Variants in AXL observed in about 807,000 individuals in gnomAD.
The protein encoded by AXL is AXL receptor tyrosine kinase.
Under a neutral mutation model 104.5 loss-of-function variants are expected in AXL, and 52 were observed. The ratio of observed to expected loss-of-function variants is 0.50; its 90% CI spans 0.40 to 0.63. AXL has a LOEUF of 0.63. Ranked by LOEUF, AXL falls within the 20% of genes least tolerant of loss-of-function variation. The pLI, the probability that AXL is intolerant of heterozygous loss-of-function variation, is 0.00. For synonymous variants in AXL, 455 were observed against 473.7 expected, an observed-to-expected ratio of 0.96 and a Z score of 0.51; for missense variants, 1,024 against 1,188.5, an observed-to-expected ratio of 0.86 and a Z score of 2.04.
chr19:41,240,522 C>G (rs1183552363), intron 10 of AXL, among the ~76,000 whole-genome samples: 1 of 152,042 alleles, frequency 6.6e-6, no homozygotes, highest in African/African-American at 2.4e-5. Flanking sequence ...CCATCCCTCT[C>G]AAATATTTCT....
Position 41,238,054 on chromosome 19 carries a change from C to G in AXL, c.894C>G (p.Ser298Arg), listed in dbSNP as rs748208134. The change falls in exon 7 of 20, where the codon AGC becomes AGG. Residue 298 changes from serine to arginine, a missense_variant. Ser to Arg is a moderately radical substitution (Grantham distance 110). Transcript: ENST00000301178. ...CCCCCCATCAGCTTCGGCTAGGCAG[C>G]CTCCATCCTCACACCCCTTATCACA... ...SVPPHQLRLGSLHPHTPYHIR... is the reference protein window; with the variant it reads ...SVPPHQLRLGRLHPHTPYHIR... 8 of 1,614,006 alleles carry G rather than the reference C, an allele frequency of 5.0e-6. No individual in the cohort carries two copies. The highest frequency in any genetic ancestry group is 2.2e-5 in the South Asian group (2 of 91,070).
At chr19:41,259,006 T>C (rs2034495319) in intron 19 of AXL, among the ~76,000 whole-genome samples, 1 of 152,164 alleles carries the variant, frequency 6.6e-6, no homozygotes, top group African/African-American at 2.4e-5. Flanking sequence ...TGGACCCCTT[T>C]GTGGCACTGC....
At chr19:41,223,393 C>T (rs946520397) in intron 4 of AXL, among the ~76,000 whole-genome samples, 16 of 152,158 alleles carry the variant, frequency 1.1e-4, no homozygotes, top group Admixed American at 7.2e-4. Context: ...ACCATGCAGA[C>T]GAGGAAGGAC....
Position 41,231,244 on chromosome 19 carries a change from G to A in AXL, c.729G>A (p.Val243=), listed in dbSNP as rs1247282712. ...CCCGCCAACCCACGGAGCTGGAGGT[G>A]GCTTGGACTCCAGGCCTGAGCGGCA... The part of the protein sequence containing the change: ...LVSRQPTELE[V]AWTPGLSGIY... The change falls in exon 6 of 20, where the codon GTG becomes GTA. Residue 243 remains valine, a synonymous_variant. Transcript: ENST00000301178. The A allele has an allele frequency of 1.9e-6, 3 of 1,613,876 alleles. No homozygotes were observed. Among genetic ancestry groups the A allele is most frequent in the Non-Finnish European group, 2.5e-6 (3 of 1,179,856 alleles).
intron 16 of AXL, 25 bp downstream of exon 16, chr19:41,252,992 C>CTACAAA (rs749655534): frequency 1.2e-6 from 2 of 1,612,430 alleles, no homozygotes; most frequent in South Asian, 2.2e-5. Flanking sequence ...ATCATTCAGT[C>CTACAAA]TACAAATATT....
Position 41,238,474 on chromosome 19 carries a change from C to G in AXL, c.999C>G (p.Pro333=). ...CCCCTCTTCCCTGTCCTCCAGTGCC[C>G]CTGGGCCCCCCTGAGAACATTAGTG... ...WLPVETPEGV[P]LGPPENISAT... The change falls in exon 8 of 20, where the codon CCC becomes CCG. Residue 333 remains proline, a synonymous_variant. Coordinates refer to ENST00000301178, the MANE Select transcript of AXL (RefSeq NM_021913.5). 6.2e-7 allele frequency: 1 copy of G among 1,610,604 alleles called. No homozygotes were observed. The highest frequency in any genetic ancestry group is 1.1e-5 in the South Asian group (1 of 90,912).
chr19:41,259,717 C>G lies in AXL; in HGVS notation c.2498C>G (p.Pro833Arg), dbSNP rs758053468. The G allele has an allele frequency of 7.1e-5, 114 of 1,613,944 alleles. No individual in the cohort carries two copies. The highest frequency in any genetic ancestry group is 9.2e-5 in the Non-Finnish European group (109 of 1,180,012). ...NMDEGGGYPE[P>R]PGAAGGADPP... is the part of the protein sequence containing the mutation. ...GATGAGGGTGGAGGTTATCCTGAAC[C>G]CCCTGGAGCTGCAGGAGGAGCTGAC... Residue 833 changes from proline to arginine, a missense_variant, in exon 20 of 20, where the codon CCC becomes CGC. Around this residue, in one of 5 missense-constraint regions of AXL, gnomAD observed 523 missense variants for 636.0 expected, o/e 0.82. Transcript: ENST00000301178.
At chr19:41,255,302 CTTTCTTTCTT>C (rs932088337) in intron 17 of AXL, among the ~76,000 whole-genome samples, 7 of 151,682 alleles carry the variant, frequency 4.6e-5, no homozygotes, top group Admixed American at 6.6e-5. Flanking sequence ...CTTTTTTTCT[CTTTCTTTCTT>C]TTTCTTTCTT....
At chr19:41,246,306 G>A (rs907824794) in intron 12 of AXL, among the ~76,000 whole-genome samples, 14 of 152,126 alleles carry the variant, frequency 9.2e-5, no homozygotes, top group African/African-American at 3.4e-4. Flanking sequence ...AATTAGCTGG[G>A]TGTGGTGGTG....
intron 4 of AXL, among the ~76,000 whole-genome samples, chr19:41,230,128 AGTGT>A (rs1001599324): frequency 2.1e-5 from 3 of 139,954 alleles, no homozygotes; most frequent in African/African-American, 8.5e-5. Flanking sequence ...TGTGAGACAC[AGTGT>A]GTGTGTGTGG....
At chr19:41,254,376 CAAAAAAAA>C (rs34633761) in intron 17 of AXL, among the ~76,000 whole-genome samples, 1 of 81,162 alleles carries the variant, frequency 1.2e-5, no homozygotes, top group Non-Finnish European at 2.4e-5. Context: ...GACTCTGTCT[CAAAAAAAA>C]AAAAAAAAAG....
chr19:41,222,392 G>C (rs928807504), intron 4 of AXL, among the ~76,000 whole-genome samples: 1 of 152,060 alleles, frequency 6.6e-6, no homozygotes, highest in African/African-American at 2.4e-5. Flanking sequence ...GGTTTCCTCT[G>C]AGCTGTTCCA....
At chr19:41,229,820 G>A (rs1423732686) in intron 4 of AXL, among the ~76,000 whole-genome samples, 2 of 152,090 alleles carry the variant, frequency 1.3e-5, no homozygotes, top group Non-Finnish European at 2.9e-5. Context: ...GCTTAGAGAT[G>A]AACAGACATG....
rs377405384 is a variant in AXL, at chr19:41,220,598, G to A, written c.86-38G>A. 53 of 1,522,594 alleles carry A rather than the reference G, an allele frequency of 3.5e-5. No homozygotes were observed. The African/African-American group carries it at 6.8e-4, about 19-fold the overall frequency. 94.3% of individuals were successfully genotyped at this position (1,522,594 alleles called of 1,614,324 possible). A position where few individuals can be genotyped will look rare whatever the true frequency, so the allele number is the denominator to read the frequency against. On this transcript the variant is annotated intron_variant, in intron 1 of 19. Coordinates refer to ENST00000301178, the MANE Select transcript of AXL (RefSeq NM_021913.5). Reference sequence around the variant, plus strand: ...TGGAACTGAGGGCCGGAAGGAGCTGGGGGGTTCCTAAGCTAACTCTTCCCA... The same window carrying A: ...TGGAACTGAGGGCCGGAAGGAGCTGAGGGGTTCCTAAGCTAACTCTTCCCA...
At chr19:41,220,403 TC>T (rs2033767596) in intron 1 of AXL, 1 of 507,842 alleles carries the variant, frequency 2.0e-6, no homozygotes, top group Non-Finnish European at 3.6e-6. Context: ...GGCTGCCAGA[TC>T]CCGAGCCTCC....
Position 41,243,705 on chromosome 19 carries a change from C to T in AXL, c.1535C>T (p.Thr512Ile), listed in dbSNP as rs1297169669. 9 of 1,613,210 alleles carry T rather than the reference C, an allele frequency of 5.6e-6. No homozygotes were observed. The East Asian group carries it at 1.8e-4, about 32-fold the overall frequency. The stretch of plus-strand genomic sequence containing the variant: ...TACAGTCGTCGGACCACTGAAGCTA[C>T]CTGTAAGTGAACCCTATGCCCCACT... ...KSYSRRTTEA[T>I]LNSLGISEEL... is the part of the protein sequence containing the mutation. The change falls in exon 12 of 20, where the codon ACC becomes ATC. Residue 512 changes from threonine (T) to isoleucine (I), a missense_variant and splice_region_variant. By Grantham distance (89) the Thr-to-Ile change is moderately conservative. This residue lies in a region of AXL where 523 missense variants were observed against 636.0 expected (regional missense o/e 0.82). Coordinates refer to ENST00000301178, the MANE Select transcript of AXL (RefSeq NM_021913.5).
At position 41,219,286 on chromosome 19, in the gene AXL, A is replaced by C. The variant is rs2033740031; in HGVS notation, c.-107A>C. The C allele has an allele frequency of 9.2e-7, 1 of 1,088,734 alleles. No homozygotes were observed. The highest frequency in any genetic ancestry group is 1.3e-6 in the Non-Finnish European group (1 of 766,366). 67.4% of individuals were successfully genotyped at this position (1,088,734 alleles called of 1,614,324 possible). On this transcript the variant is annotated 5_prime_UTR_variant, in exon 1 of 20. Coordinates refer to ENST00000301178, the MANE Select transcript of AXL (RefSeq NM_021913.5). ...TCCCCTGCCGCTGTGCCAGGCAGGC[A>C]GTGCCAAATCCGGGGAGCCTGGAGC...
intron 6 of AXL, among the ~76,000 whole-genome samples, chr19:41,234,186 G>A (rs1319551668): frequency 6.6e-6 from 1 of 152,080 alleles, no homozygotes; most frequent in Non-Finnish European, 1.5e-5. Context: ...GCAAGTTGCT[G>A]AACCTCTCTG....
intron 4 of AXL, among the ~76,000 whole-genome samples, chr19:41,227,512 G>A (rs1160687620): frequency 6.9e-6 from 1 of 145,560 alleles, no homozygotes; most frequent in Non-Finnish European, 1.5e-5. Context: ...TTTAGACAGA[G>A]TCTCTCTCTG....
Sources: allele counts gnomAD v4.1 joint callset (sites outside exome capture counted in the v4.1 genomes callset), GRCh38; gene constraint gnomAD v4.1.1; regional missense constraint gnomAD v4.1.1; transcripts MANE v1.5; gene names NCBI Gene and HGNC (gene_info 2026-07-23, HGNC 2026-07-21).